Variants in ITGB8 observed in about 807,000 individuals in gnomAD.
ITGB8 encodes integrin beta-8.
In ITGB8, 30 loss-of-function variants were observed where a neutral mutation model predicts 89.5. The observed-to-expected ratio is 0.34, with a 90% CI of 0.25 to 0.45. The LOEUF (loss-of-function observed/expected upper bound fraction) is 0.45. ITGB8 is among the 20% of genes least tolerant of loss of function. The pLI, the probability that ITGB8 is intolerant of heterozygous loss-of-function variation, is 1.00. For missense variants in ITGB8, 836 were observed against 933.3 expected (o/e 0.90, Z 1.36); for synonymous variants, 335 against 320.4 (o/e 1.05, Z -0.49).
At chr7:20,348,523 G>T (rs1425420404) in intron 1 of ITGB8, among the ~76,000 whole-genome samples, 1 of 152,122 alleles carries the variant, frequency 6.6e-6, no homozygotes, top group Non-Finnish European at 1.5e-5. Flanking sequence ...CTGTTTTATT[G>T]TTCCGTTATC....
intron 3 of ITGB8, among the ~76,000 whole-genome samples, chr7:20,377,972 A>G (rs553954190): frequency 2.2e-4 from 34 of 152,358 alleles, no homozygotes; most frequent in African/African-American, 8.2e-4. Context: ...TATGTATACA[A>G]ATGAATGTTT....
intron 9 of ITGB8, 131 bp from the exon 10 acceptor site, chr7:20,401,588 ATG>A: frequency 5.5e-6 from 3 of 548,948 alleles, no homozygotes; most frequent in Non-Finnish European, 9.1e-6. Context: ...AAGAGATTAC[ATG>A]TGTTTCTTTT....
At chr7:20,367,577 T>C (rs946582441) in intron 3 of ITGB8, among the ~76,000 whole-genome samples, 3 of 152,192 alleles carry the variant, frequency 2.0e-5, no homozygotes, top group African/African-American at 7.2e-5. Context: ...TTGATCCTTT[T>C]TGGAAGGGAT....
intron 1 of ITGB8, among the ~76,000 whole-genome samples, chr7:20,359,188 C>G (rs1029446553): frequency 6.6e-6 from 1 of 151,920 alleles, no homozygotes; most frequent in African/African-American, 2.4e-5. Flanking sequence ...TTTTTAATAA[C>G]ATGGGCTTTA....
chr7:20,407,617 A>T (rs1787598984), intron 12 of ITGB8, among the ~76,000 whole-genome samples: 1 of 152,268 alleles, frequency 6.6e-6, no homozygotes, highest in South Asian at 2.1e-4. Flanking sequence ...CTTACCCCAT[A>T]ATGAACTTGG....
chr7:20,376,220 C>T (rs1786138134), intron 3 of ITGB8, among the ~76,000 whole-genome samples: 1 of 152,146 alleles, frequency 6.6e-6, no homozygotes, highest in Non-Finnish European at 1.5e-5. Context: ...CGTCCCCATG[C>T]CAACTAGAGT....
Position 20,331,939 on chromosome 7 carries a change from T to C in ITGB8, c.127+6T>C. The stretch of plus-strand genomic sequence containing the variant: ...TCTTGGACTGGGCCAAGGTGGTAAG[T>C]TGTTTTGTTTTGTTTTGTTTTCTTC... On this transcript the variant is annotated splice_donor_region_variant and intron_variant, in intron 1 of 13. Coordinates refer to ENST00000222573, the MANE Select transcript of ITGB8 (RefSeq NM_002214.3). 1 of 1,612,132 alleles carries C rather than the reference T, an allele frequency of 6.2e-7. No homozygotes were observed. The highest frequency in any genetic ancestry group is 8.5e-7 in the Non-Finnish European group (1 of 1,179,264).
intron 3 of ITGB8, among the ~76,000 whole-genome samples, chr7:20,376,694 T>C (rs560288731): frequency 6.6e-6 from 1 of 152,086 alleles, no homozygotes; most frequent in East Asian, 1.9e-4. Flanking sequence ...CGATTTGGGG[T>C]CAGCCTAGCT....
intron 1 of ITGB8, among the ~76,000 whole-genome samples, chr7:20,333,622 G>A (rs932444604): frequency 6.6e-6 from 1 of 152,106 alleles, no homozygotes; most frequent in African/African-American, 2.4e-5. Context: ...TCAGGCTCTT[G>A]TGAAAAAGCA....
chr7:20,347,162 C>T (rs1468082027), intron 1 of ITGB8, among the ~76,000 whole-genome samples: 1 of 152,172 alleles, frequency 6.6e-6, no homozygotes, highest in African/African-American at 2.4e-5. Flanking sequence ...TGCCGGATTC[C>T]AAAACTGCGA....
Position 20,334,355 on chromosome 7 carries a change from T to C in ITGB8, c.127+2422T>C, listed in dbSNP as rs541635326. Among the ~76,000 whole-genome samples, 4 of 152,322 alleles carry C rather than the reference T, an allele frequency of 2.6e-5. No homozygotes were observed. In the South Asian group the frequency reaches 8.3e-4, roughly 32 times the overall value. Reference sequence around the variant, plus strand: ...GTAGCAACATTGTTTCCACATTTACTTATTTTAAAAGATTAAGAACTTTCA... The same window carrying C: ...GTAGCAACATTGTTTCCACATTTACCTATTTTAAAAGATTAAGAACTTTCA... On this transcript the variant is annotated intron_variant, in intron 1 of 13. Coordinates refer to ENST00000222573, the MANE Select transcript of ITGB8 (RefSeq NM_002214.3).
intron 12 of ITGB8, among the ~76,000 whole-genome samples, chr7:20,408,510 G>T (rs1174788389): frequency 6.6e-6 from 1 of 152,130 alleles, no homozygotes; most frequent in Admixed American, 6.5e-5. Flanking sequence ...AATCACCCAG[G>T]ATTGGTTGGG....
intron 3 of ITGB8, among the ~76,000 whole-genome samples, chr7:20,370,412 T>A (rs907491057): frequency 6.6e-6 from 1 of 151,254 alleles, no homozygotes; most frequent in African/African-American, 2.4e-5. Flanking sequence ...ACAAGAAGTT[T>A]AAAAAGTTAT....
chr7:20,363,629 C>A lies in ITGB8; in HGVS notation c.128-8C>A, dbSNP rs761465678. 2 of 1,540,424 alleles carry A rather than the reference C, an allele frequency of 1.3e-6. No homozygotes were observed. Among genetic ancestry groups the A allele is most frequent in the Non-Finnish European group, 1.8e-6 (2 of 1,139,516 alleles). On this transcript the variant is annotated splice_polypyrimidine_tract_variant and splice_region_variant and intron_variant, in intron 1 of 13. Transcript: ENST00000222573. ...AGTAAATTATAACTGTTTTCTCCTT[C>A]ATTGCAGAAGACAATAGATGTGCAT...
At chr7:20,395,006 A>AT (rs763084434) in intron 8 of ITGB8, 21 bp downstream of exon 8, 9 of 1,433,822 alleles carry the variant, frequency 6.3e-6, no homozygotes, top group Non-Finnish European at 8.8e-6. Flanking sequence ...ATTAGATACA[A>AT]TTTTTTAAAT....
chr7:20,399,476 C>T (rs1056569057), intron 9 of ITGB8, among the ~76,000 whole-genome samples: 2 of 151,910 alleles, frequency 1.3e-5, no homozygotes, highest in African/African-American at 4.8e-5. Context: ...TTTGTGATTG[C>T]CCCAGTACAC....
intron 1 of ITGB8, among the ~76,000 whole-genome samples, chr7:20,357,274 G>A (rs1379167287): frequency 6.6e-6 from 1 of 151,824 alleles, no homozygotes; most frequent in Admixed American, 6.6e-5. Context: ...CAACTTTATG[G>A]GCTTTTAAGA....
chr7:20,406,250 C>A, intron 12 of ITGB8, 79 bp downstream of exon 12: 1 of 939,692 alleles, frequency 1.1e-6, no homozygotes, highest in Non-Finnish European at 1.7e-6. Context: ...CATAATTAAC[C>A]ATGCTAAAGA....
Position 20,410,314 on chromosome 7 carries a change from T to G in ITGB8, c.*317T>G, listed in dbSNP as rs1314837028. ...ACTGATTACACTTTACAGGTACCTGTTATCCCTACGCTTCCCAGAGAGAAC... is the reference window on the plus strand; with the variant it reads ...ACTGATTACACTTTACAGGTACCTGGTATCCCTACGCTTCCCAGAGAGAAC... On this transcript the variant is annotated 3_prime_UTR_variant, in exon 14 of 14. Transcript: ENST00000222573. The G allele has an allele frequency of 3.8e-6, 1 of 265,356 alleles. No homozygotes were observed. Among genetic ancestry groups the G allele is most frequent in the Non-Finnish European group, 7.2e-6 (1 of 139,300 alleles). The allele number at this position is 265,356 out of a possible 1,614,324, so 16.4% of individuals were successfully genotyped here.
Sources: gnomAD v4.1 joint callset for allele counts (sites outside exome capture counted in the v4.1 genomes callset) on GRCh38, gnomAD v4.1.1 for gene constraint, MANE v1.5 for transcripts, NCBI Gene and HGNC (gene_info 2026-07-23, HGNC 2026-07-21) for gene names.